RNGTT: variants seen among roughly 807,000 people sequenced by gnomAD.
The protein encoded by RNGTT is mRNA-capping enzyme.
A neutral mutation model predicts 79.3 loss-of-function variants in RNGTT; 33 were observed. The observed-to-expected ratio is 0.42, with a 90% CI of 0.32 to 0.56. The LOEUF (loss-of-function observed/expected upper bound fraction) is 0.56. Among genes scored for constraint, RNGTT ranks in the 20% least tolerant of loss-of-function variants. RNGTT has a pLI of 0.17. For synonymous variants in RNGTT, 222 were observed against 235.9 expected (o/e 0.94, Z 0.54); for missense variants, 497 against 739.1 (o/e 0.67, Z 3.80).
chr6:88,919,137 A>G (rs1000537607), intron 4 of RNGTT, among the ~76,000 whole-genome samples: 8 of 152,316 alleles, frequency 5.3e-5, no homozygotes, highest in African/African-American at 1.4e-4. Flanking sequence ...ATTTGATATT[A>G]AAAAATCCAT....
chr6:88,880,543 T>C (rs899733960), intron 8 of RNGTT, among the ~76,000 whole-genome samples: 2 of 152,140 alleles, frequency 1.3e-5, no homozygotes, highest in Non-Finnish European at 2.9e-5. Flanking sequence ...GATACATATG[T>C]AAAAATTGCA....
intron 14 of RNGTT, among the ~76,000 whole-genome samples, chr6:88,667,308 T>A (rs2127784807): frequency 6.6e-6 from 1 of 152,364 alleles, no homozygotes; most frequent in Non-Finnish European, 1.5e-5. Context: ...GCCACAGTTG[T>A]GCTGGCTGTG....
chr6:88,831,217 A>G (rs1780852189), intron 11 of RNGTT, among the ~76,000 whole-genome samples: 1 of 152,350 alleles, frequency 6.6e-6, no homozygotes, highest in African/African-American at 2.4e-5. Context: ...CAAATCCAGC[A>G]GCACATCAAA....
chr6:88,688,335 T>A (rs559942605), intron 13 of RNGTT, among the ~76,000 whole-genome samples: 1 of 152,342 alleles, frequency 6.6e-6, no homozygotes, highest in African/African-American at 2.4e-5. Flanking sequence ...TGCCTTTTAA[T>A]ATACTGACAG....
At chr6:88,671,127 T>TA (rs1774623577) in intron 14 of RNGTT, among the ~76,000 whole-genome samples, 1 of 152,112 alleles carries the variant, frequency 6.6e-6, no homozygotes, top group African/African-American at 2.4e-5. Flanking sequence ...GGGAAATAAA[T>TA]AAAGGGCATC....
intron 1 of RNGTT, among the ~76,000 whole-genome samples, chr6:88,962,774 TAAAA>T (rs1167897871): frequency 2.7e-5 from 4 of 149,912 alleles, no homozygotes; most frequent in Non-Finnish European, 4.4e-5. Context: ...CTTTAATAAA[TAAAA>T]AAATTAGCCG....
chr6:88,872,618 A>C (rs2127921787), intron 8 of RNGTT, among the ~76,000 whole-genome samples: 1 of 152,322 alleles, frequency 6.6e-6, no homozygotes, highest in African/African-American at 2.4e-5. Context: ...TGCTCCCAAG[A>C]AACGATGAGA....
At chr6:88,780,959 T>C (rs901098890) in intron 12 of RNGTT, among the ~76,000 whole-genome samples, 2 of 152,088 alleles carry the variant, frequency 1.3e-5, no homozygotes, top group Non-Finnish European at 2.9e-5. Context: ...ACATTTTTGG[T>C]TGAACAAGAG....
chr6:88,921,332 A>C (rs897505288), intron 4 of RNGTT, among the ~76,000 whole-genome samples: 1 of 152,038 alleles, frequency 6.6e-6, no homozygotes, highest in African/African-American at 2.4e-5. Context: ...AAAAAAAAAA[A>C]GTAATCTTTG....
intron 12 of RNGTT, among the ~76,000 whole-genome samples, chr6:88,791,685 G>A (rs1386543761): frequency 4.0e-5 from 6 of 151,762 alleles, no homozygotes; most frequent in Non-Finnish European, 7.4e-5. Context: ...GACCACAGGC[G>A]CCCACCACCA....
At chr6:88,695,351 CTTGAAT>C (rs1322889434) in intron 13 of RNGTT, among the ~76,000 whole-genome samples, 1 of 152,018 alleles carries the variant, frequency 6.6e-6, no homozygotes, top group Non-Finnish European at 1.5e-5. Flanking sequence ...GGGCAAAGAA[CTTGAAT>C]AGACATTTCT....
At chr6:88,873,517 C>A (rs543293653) in intron 8 of RNGTT, among the ~76,000 whole-genome samples, 1 of 152,088 alleles carries the variant, frequency 6.6e-6, no homozygotes, top group South Asian at 2.1e-4. Flanking sequence ...ACATAACAGA[C>A]ACTTAAAAAA....
At chr6:88,903,865 C>A (rs1232516471) in intron 6 of RNGTT, among the ~76,000 whole-genome samples, 2 of 152,160 alleles carry the variant, frequency 1.3e-5, no homozygotes, top group Non-Finnish European at 2.9e-5. Flanking sequence ...ACAAGTACAA[C>A]CAATACTTTT....
intron 14 of RNGTT, among the ~76,000 whole-genome samples, chr6:88,656,451 TA>T (rs1483493868): frequency 2.0e-5 from 3 of 152,130 alleles, no homozygotes; most frequent in Admixed American, 6.5e-5. Context: ...CAAGTTCAAA[TA>T]AAAAATTTTC....
chr6:88,727,133 G>A (rs921918919), intron 13 of RNGTT, among the ~76,000 whole-genome samples: 7 of 151,746 alleles, frequency 4.6e-5, no homozygotes, highest in African/African-American at 9.7e-5. Flanking sequence ...TGTAAAAGTC[G>A]TGAAAAAAAA....
At chr6:88,770,567 G>A (rs563232726) in intron 12 of RNGTT, among the ~76,000 whole-genome samples, 2 of 152,134 alleles carry the variant, frequency 1.3e-5, no homozygotes, top group Admixed American at 6.6e-5. Context: ...TATCTGGGTT[G>A]TTTCCAGTTT....
chr6:88,941,691 T>A (rs1046160705), intron 1 of RNGTT, among the ~76,000 whole-genome samples: 7 of 148,184 alleles, frequency 4.7e-5, no homozygotes, highest in East Asian at 2.0e-4. Context: ...TGAGACGGAG[T>A]CTCGCTCTGT....
intron 4 of RNGTT, among the ~76,000 whole-genome samples, chr6:88,907,343 G>A (rs535267922): frequency 6.6e-6 from 1 of 152,152 alleles, no homozygotes; most frequent in Non-Finnish European, 1.5e-5. Flanking sequence ...GTTCTCATGA[G>A]ATCTGATGGT....
intron 12 of RNGTT, among the ~76,000 whole-genome samples, chr6:88,777,119 G>A (rs1778915180): frequency 6.6e-6 from 1 of 152,080 alleles, no homozygotes; most frequent in Non-Finnish European, 1.5e-5. Flanking sequence ...TCTCCCCATT[G>A]TGTATTCTTG....
Sources: allele counts gnomAD v4.1 joint callset (sites outside exome capture counted in the v4.1 genomes callset), GRCh38; gene constraint gnomAD v4.1.1; transcripts MANE v1.5; gene names NCBI Gene and HGNC (gene_info 2026-07-23, HGNC 2026-07-21).